The following FBXO31 variants were observed in gnomAD, a reference collection of about 807,000 sequenced individuals.
The protein encoded by FBXO31 is F-box only protein 31.
Under a neutral mutation model 54.4 loss-of-function variants are expected in FBXO31, and 24 were observed. The observed-to-expected ratio is 0.44, with a 90% CI of 0.32 to 0.62. The LOEUF (loss-of-function observed/expected upper bound fraction) is 0.62. Ranked by LOEUF, FBXO31 falls within the 20% of genes least tolerant of loss-of-function variation. The pLI is 0.05. For missense variants in FBXO31, 665 were observed against 787.1 expected (o/e 0.84, Z 1.86); for synonymous variants, 388 against 335.6 (o/e 1.16, Z -1.71).
chr16:87,338,764 C>A lies in FBXO31; in HGVS notation c.733-2500G>T, dbSNP rs1567614745. On this transcript the variant is annotated intron_variant, in intron 5 of 8. Transcript: ENST00000311635. This position sits in a 1 kb window ranked among gnomAD's most constrained non-coding sequence, Gnocchi z 4.3. ...GTCCAGAGCCTGGCCCCTCCAACCT[C>A]CCTGGGCAGACAGGACTCCACTCCC... 6.6e-6 allele frequency among the ~76,000 whole-genome samples: 1 copy of A among 152,126 alleles called. No homozygotes were observed. Among genetic ancestry groups the A allele is most frequent in the Non-Finnish European group, 1.5e-5 (1 of 68,026 alleles).
At chr16:87,388,329 A>G (rs954641037), upstream of FBXO31, among the ~76,000 whole-genome samples, 1 of 152,242 alleles carries the variant, frequency 6.6e-6, no homozygotes, top group African/African-American at 2.4e-5. Context: ...ATTCAGTGTC[A>G]ACCCCTAAAT....
rs1475454601 is a variant in FBXO31, at chr16:87,383,047, G to A, written c.340+358C>T. Among the ~76,000 whole-genome samples, 1 of 152,096 alleles carries A rather than the reference G, an allele frequency of 6.6e-6. No individual in the cohort carries two copies. The highest frequency in any genetic ancestry group is 6.5e-5 in the Admixed American group (1 of 15,276). ...GCCCCCAGGCGTCAGCTTAGGCCCC[G>A]CGCAGACCTCGAGGGATCCCAGCCC... On this transcript the variant is annotated intron_variant, in intron 1 of 8. Transcript: ENST00000311635. This position sits in a 1 kb window ranked among gnomAD's most constrained non-coding sequence, Gnocchi z 4.9.
chr16:87,353,715 G>C (rs8057698), intron 2 of FBXO31, among the ~76,000 whole-genome samples: 4 of 150,878 alleles, frequency 2.7e-5, no homozygotes, highest in Non-Finnish European at 4.4e-5. Flanking sequence ...CCTTCGGCGG[G>C]AGCAGGGCCC....
chr16:87,336,398 G>C lies in FBXO31; in HGVS notation c.733-134C>G. Reference sequence around the variant, plus strand: ...GCACCTGCAGGGCCCTCTTGGTGGGGGAGGATGGACTTGGCGCTGGGAAGA... The same window carrying C: ...GCACCTGCAGGGCCCTCTTGGTGGGCGAGGATGGACTTGGCGCTGGGAAGA... On this transcript the variant is annotated intron_variant, in intron 5 of 8. Coordinates refer to ENST00000311635, the MANE Select transcript of FBXO31 (RefSeq NM_024735.5). The surrounding 1 kb of genome is among the most constrained non-coding windows in gnomAD (Gnocchi z 6.5). The C allele has an allele frequency of 1.4e-6, 1 of 729,056 alleles. No individual in the cohort carries two copies. Among genetic ancestry groups the C allele is most frequent in the Non-Finnish European group, 2.3e-6 (1 of 431,224 alleles). 45.2% of individuals were successfully genotyped at this position (729,056 alleles called of 1,614,324 possible). A position where few individuals can be genotyped will look rare whatever the true frequency, so the allele number is the denominator to read the frequency against.
rs894148439 is a variant in FBXO31, at chr16:87,351,285, C to T, written c.413-4035G>A. On this transcript the variant is annotated intron_variant, in intron 2 of 8. Transcript: ENST00000311635. Reference sequence around the variant, plus strand: ...AAACGGTCAAGAGCAGAGCTGGACACGTACGAGTGTGAGCGTGATCTCTAT... The same window carrying T: ...AAACGGTCAAGAGCAGAGCTGGACATGTACGAGTGTGAGCGTGATCTCTAT... 3.9e-5 allele frequency among the ~76,000 whole-genome samples: 6 copies of T among 152,302 alleles called. No homozygotes were observed. In the South Asian group the frequency reaches 6.2e-4, roughly 16 times the overall value.
chr16:87,382,092 T>C (rs976601592), intron 1 of FBXO31, among the ~76,000 whole-genome samples: 2 of 150,206 alleles, frequency 1.3e-5, no homozygotes, highest in Non-Finnish European at 3.0e-5. Flanking sequence ...TACATGTCAA[T>C]CTCCTAAATT....
intron 2 of FBXO31, among the ~76,000 whole-genome samples, chr16:87,350,024 GCA>G (rs1224851992): frequency 6.6e-6 from 1 of 152,158 alleles, no homozygotes; most frequent in Non-Finnish European, 1.5e-5. Context: ...GAGACCACAT[GCA>G]CAGTCCACAT....
At chr16:87,347,050 G>T (rs184020308) in intron 3 of FBXO31, 124 bp downstream of exon 3, 135 of 822,114 alleles carry the variant, frequency 1.6e-4, no homozygotes, top group African/African-American at 1.5e-3. Context: ...AGAATTTTTT[G>T]GTAATTACCT....
At chr16:87,356,823 CAGT>C (rs1400525464) in intron 2 of FBXO31, among the ~76,000 whole-genome samples, 1 of 152,186 alleles carries the variant, frequency 6.6e-6, no homozygotes, top group Non-Finnish European at 1.5e-5. Context: ...GGACTGAAAG[CAGT>C]AGTAGGGGCT....
In FBXO31 at chr16:87,338,955, T is replaced by G. The variant is rs1047867699; in HGVS notation, c.733-2691A>C. Among the ~76,000 whole-genome samples the G allele has an allele frequency of 2.0e-5, 3 of 152,166 alleles. No individual in the cohort carries two copies. The highest frequency in any genetic ancestry group is 7.2e-5 in the African/African-American group (3 of 41,446). On this transcript the variant is annotated intron_variant, in intron 5 of 8. Transcript: ENST00000311635. This position sits in a 1 kb window ranked among gnomAD's most constrained non-coding sequence, Gnocchi z 4.3. ...ATGATAGTGAATAAGTCTCACGAGA[T>G]GCAATGGTTTTATAAAGGGGAGTTC...
Position 87,335,277 on chromosome 16 carries a change from C to A in FBXO31, c.996+27G>T. ...ACTTGGGCCAGGTGCCCCCAGAGCC[C>A]CACCAACCAGGTCAGCCGCCACTCA... On this transcript the variant is annotated intron_variant, in intron 7 of 8. Coordinates refer to ENST00000311635, the MANE Select transcript of FBXO31 (RefSeq NM_024735.5). This position sits in a 1 kb window ranked among gnomAD's most constrained non-coding sequence, Gnocchi z 5.7. The A allele has an allele frequency of 1.2e-6, 2 of 1,611,222 alleles. No individual in the cohort carries two copies. Among genetic ancestry groups the A allele is most frequent in the African/African-American group, 1.3e-5 (1 of 75,048 alleles).
At chr16:87,344,988 C>A (rs536122266) in intron 3 of FBXO31, among the ~76,000 whole-genome samples, 10 of 152,072 alleles carry the variant, frequency 6.6e-5, no homozygotes, top group African/African-American at 2.4e-4. Flanking sequence ...TGCCCCGAAC[C>A]CCACCTGGGG....
chr16:87,375,956 G>C lies in FBXO31; in HGVS notation c.340+7449C>G, dbSNP rs916565798. Among the ~76,000 whole-genome samples, 5 of 152,218 alleles carry C rather than the reference G, an allele frequency of 3.3e-5. No homozygotes were observed. In the East Asian group the frequency reaches 9.6e-4, roughly 29 times the overall value. On this transcript the variant is annotated intron_variant, in intron 1 of 8. Coordinates refer to ENST00000311635, the MANE Select transcript of FBXO31 (RefSeq NM_024735.5). ...TCCACTTCCCCACATGCAGGGGCCA[G>C]AGAGGCCACAGTAGTATAAAAATAA...
intron 1 of FBXO31, among the ~76,000 whole-genome samples, chr16:87,364,038 G>A (rs1032504011): frequency 6.6e-6 from 1 of 152,188 alleles, no homozygotes; most frequent in Non-Finnish European, 1.5e-5. Flanking sequence ...GGTGAGAGCT[G>A]CGGCCGCAGG....
At chr16:87,361,523 G>C (rs538430805) in intron 1 of FBXO31, among the ~76,000 whole-genome samples, 3 of 152,146 alleles carry the variant, frequency 2.0e-5, no homozygotes, top group Admixed American at 1.3e-4. Flanking sequence ...CTGTGGCAGC[G>C]AGGGAAACCG....
At chr16:87,360,227 T>A in intron 2 of FBXO31, 68 bp downstream of exon 2, 1 of 1,400,022 alleles carries the variant, frequency 7.1e-7, no homozygotes, top group Non-Finnish European at 1.0e-6. Flanking sequence ...TGATTATTTG[T>A]CATTGATGTG....
At chr16:87,360,660 C>T (rs191484554) in intron 1 of FBXO31, among the ~76,000 whole-genome samples, 296 of 152,368 alleles carry the variant, frequency 1.9e-3, no homozygotes, top group African/African-American at 6.1e-3. Context: ...ATCAGACAAT[C>T]CCTAGTTTAT....
chr16:87,356,540 A>G (rs1368537845), intron 2 of FBXO31, among the ~76,000 whole-genome samples: 1 of 152,128 alleles, frequency 6.6e-6, no homozygotes, highest in Non-Finnish European at 1.5e-5. Flanking sequence ...ACACCTCAAC[A>G]AGGCAGTGCT....
intron 1 of FBXO31, among the ~76,000 whole-genome samples, chr16:87,363,969 G>A (rs1366835542): frequency 6.6e-6 from 1 of 152,220 alleles, no homozygotes; most frequent in African/African-American, 2.4e-5. Flanking sequence ...TTTACAAATG[G>A]GAGGGGGAAG....
Sources: allele counts gnomAD v4.1 joint callset (sites outside exome capture counted in the v4.1 genomes callset), GRCh38; gene constraint gnomAD v4.1.1; non-coding constraint Gnocchi (gnomAD v3.1); transcripts MANE v1.5; gene names NCBI Gene and HGNC (gene_info 2026-07-23, HGNC 2026-07-21).